PLEC: variants seen among roughly 807,000 people sequenced by gnomAD.
The protein encoded by PLEC is hemidesmosomal protein 1.
PLEC carries 216 observed loss-of-function variants against 392.8 expected under a neutral mutation model. The ratio of observed to expected loss-of-function variants is 0.55; its 90% CI spans 0.49 to 0.62. PLEC has a LOEUF of 0.62. Among genes scored for constraint, PLEC ranks in the 20% least tolerant of loss-of-function variants. The pLI, the probability that PLEC is intolerant of heterozygous loss-of-function variation, is 0.00. For synonymous variants in PLEC, 3,621 were observed against 2,980.6 expected, an observed-to-expected ratio of 1.21 and a Z score of -7.00; for missense variants, 6,863 against 6,563.4, an observed-to-expected ratio of 1.05 and a Z score of -1.58.
Position 143,923,845 on chromosome 8 carries a change from C to T in PLEC, c.6084G>A (p.Ala2028=), listed in dbSNP as rs528306324. 2.0e-4 allele frequency: 319 copies of T among 1,588,968 alleles called. No individual in the cohort carries two copies. Among genetic ancestry groups the T allele is most frequent in the East Asian group, 2.5e-4 (11 of 44,290 alleles). ...VEEARRLRER[A]EQESARQLQL... The stretch of plus-strand genomic sequence containing the variant: ...GCAGCTGCCGCGCCGACTCCTGCTC[C>T]GCTCGCTCCCGCAGGCGCCGCGCCT... Residue 2028 remains alanine, a synonymous_variant, in exon 31 of 32, where the codon GCG becomes GCA. Coordinates refer to ENST00000345136, the MANE Select transcript of PLEC (RefSeq NM_201384.3).
chr8:143,930,559 A>G (rs1554714245), intron 19 of PLEC, 23 bp from the exon 20 acceptor site: 1 of 1,570,150 alleles, frequency 6.4e-7, no homozygotes, highest in South Asian at 1.2e-5. Flanking sequence ...GGCAGCATCC[A>G]GACGAGGGCC....
intron 26 of PLEC, 25 bp from the exon 27 acceptor site, chr8:143,927,791 G>A (rs962768817): frequency 6.3e-7 from 1 of 1,591,044 alleles, no homozygotes; most frequent in Non-Finnish European, 8.6e-7. Context: ...AGGGACATGT[G>A]CGGCTTCAGC....
chr8:143,929,502 G>A lies in PLEC; in HGVS notation c.2993C>T (p.Ala998Val), dbSNP rs1554711100. ...GCGGTGCACGGTGCGCGTCTCACAG[G>A]CCTCCAGCTGCAGCCGGATGTCTTT... ...ELKDIRLQLE[A>V]CETRTVHRLR... The change falls in exon 24 of 32, where the codon GCC (alanine) becomes GTC (valine). Residue 998 changes from alanine (A) to valine (V), a missense_variant. Transcript: ENST00000345136. 6.2e-7 allele frequency: 1 copy of A among 1,611,912 alleles called. No homozygotes were observed. The highest frequency in any genetic ancestry group is 1.1e-5 in the South Asian group (1 of 91,024).
rs781881917 is a variant in PLEC, at chr8:143,936,033, A to G, written c.436-19T>C. Reference sequence around the variant, plus strand: ...CTGAGATCTGCTCACAGCAGAGAGGAGGCCACAGCTCAGCCACAGCCACCA... The same window carrying G: ...CTGAGATCTGCTCACAGCAGAGAGGGGGCCACAGCTCAGCCACAGCCACCA... On this transcript the variant is annotated intron_variant, in intron 5 of 31. Transcript: ENST00000345136. 3.7e-6 allele frequency: 6 copies of G among 1,609,780 alleles called. No individual in the cohort carries two copies. Among genetic ancestry groups the G allele is most frequent in the African/African-American group, 2.7e-5 (2 of 74,892 alleles).
At chr8:143,941,346 C>G (rs1422646650), upstream of PLEC, among the ~76,000 whole-genome samples, 1 of 152,122 alleles carries the variant, frequency 6.6e-6, no homozygotes, top group Admixed American at 6.5e-5. Flanking sequence ...GTGGAGCCCA[C>G]CCCAGCCAGG....
At position 143,973,410 on chromosome 8, in the gene PLEC, C is replaced by T; in HGVS notation, c.63G>A (p.Lys21=). 1 of 1,556,448 alleles carries T rather than the reference C, an allele frequency of 6.4e-7. No individual in the cohort carries two copies. The highest frequency in any genetic ancestry group is 8.7e-7 in the Non-Finnish European group (1 of 1,151,552). ...CGGGACGGGGGGCCGTACCTTTGTA[C>T]TTCTCGCGCACCTCCTCGTAGGCCT... The change falls in exon 1 of 32, where the codon AAG becomes AAA. Residue 21 remains lysine, a synonymous_variant. Transcript: ENST00000356346. This position sits in a 1 kb window ranked among gnomAD's most constrained non-coding sequence, Gnocchi z 5.6.
chr8:143,947,345 G>A (rs1405748525), intron 1 of PLEC, among the ~76,000 whole-genome samples: 1 of 152,240 alleles, frequency 6.6e-6, no homozygotes, highest in Non-Finnish European at 1.5e-5. Flanking sequence ...CACCGTGGTG[G>A]CGGCTACCTG....
intron 5 of PLEC, 93 bp from the exon 6 acceptor site, chr8:143,936,107 GC>G: frequency 7.0e-7 from 1 of 1,436,632 alleles, no homozygotes; most frequent in Non-Finnish European, 9.6e-7. Flanking sequence ...GGGTAGCTCA[GC>G]ACCCAGGGGG....
rs577933579 is a variant in PLEC, at chr8:143,916,858, G to T, written c.12963C>A (p.Ile4321=). Residue 4321 remains isoleucine, a synonymous_variant, in exon 32 of 32, where the codon ATC becomes ATA. Transcript: ENST00000345136. ...AGCGCTCACCGGTGCTGGGGTCGATGATGCCCCCGGTGCAGGCCTGCGCCT... is the reference window on the plus strand; with the variant it reads ...AGCGCTCACCGGTGCTGGGGTCGATTATGCCCCCGGTGCAGGCCTGCGCCT... ...LLEAQACTGG[I]IDPSTGERFP... 4.3e-6 allele frequency: 7 copies of T among 1,612,712 alleles called. No individual in the cohort carries two copies. The highest frequency in any genetic ancestry group is 5.9e-6 in the Non-Finnish European group (7 of 1,179,930).
upstream of PLEC, among the ~76,000 whole-genome samples, chr8:143,943,413 C>A (rs1285180735): frequency 3.9e-5 from 6 of 152,250 alleles, no homozygotes; most frequent in Non-Finnish European, 5.9e-5. Context: ...GCTCCACCCC[C>A]TGCTGTGTGT....
chr8:143,971,448 C>A (rs1564237448), intron 1 of PLEC, among the ~76,000 whole-genome samples: 1 of 152,168 alleles, frequency 6.6e-6, no homozygotes, highest in Non-Finnish European at 1.5e-5. Flanking sequence ...CATGCCCTCC[C>A]ACAGTCCCTC....
intron 1 of PLEC, among the ~76,000 whole-genome samples, chr8:143,972,363 G>T (rs1264083466): frequency 6.6e-6 from 1 of 152,222 alleles, no homozygotes; most frequent in African/African-American, 2.4e-5. Flanking sequence ...AAGCGGCTGG[G>T]CACAGCACTG....
upstream of PLEC, chr8:143,944,047 C>A: frequency 9.0e-7 from 1 of 1,114,094 alleles, no homozygotes; most frequent in Non-Finnish European, 1.3e-6. Flanking sequence ...GGCGGCAGCC[C>A]CACAACAGCT....
chr8:143,930,147 G>T lies in PLEC; in HGVS notation c.2609C>A (p.Thr870Asn). ...PPNQEAQEAVTRLEAQHQALV... is the reference protein window; with the variant it reads ...PPNQEAQEAVNRLEAQHQALV... ...CTGCTGAGCCCCCGCCACCCACCTG[G>T]TGACGGCCTCCTGGGCCTCCTGGTT... The change falls in exon 21 of 32, where the codon ACC (threonine) becomes AAC (asparagine). Residue 870 changes from threonine (T) to asparagine (N), a missense_variant. Coordinates refer to ENST00000345136, the MANE Select transcript of PLEC (RefSeq NM_201384.3). 1.3e-6 allele frequency: 2 copies of T among 1,584,744 alleles called. No individual in the cohort carries two copies. The highest frequency in any genetic ancestry group is 1.7e-6 in the Non-Finnish European group (2 of 1,171,400).
chr8:143,917,295 A>T lies in PLEC; in HGVS notation c.12526T>A (p.Cys4176Ser). ...GAGATGGTGATCTCCTCCCACTCGC[A>T]CTCCTGCTCGGACAGCTCCAGGTAC... Reference protein sequence around the residue: ...QTYLELSEQECEWEEITISSS... With the variant: ...QTYLELSEQESEWEEITISSS... Residue 4176 changes from cysteine (C) to serine (S), a missense_variant, in exon 32 of 32, where the codon TGC becomes AGC. Cys to Ser is a moderately radical substitution (Grantham distance 112). Coordinates refer to ENST00000345136, the MANE Select transcript of PLEC (RefSeq NM_201384.3). 2.5e-6 allele frequency: 4 copies of T among 1,608,072 alleles called. No individual in the cohort carries two copies. Among genetic ancestry groups the T allele is most frequent in the Non-Finnish European group, 3.4e-6 (4 of 1,178,068 alleles).
Position 143,922,848 on chromosome 8 carries a change from TCTC to T in PLEC, c.7078_7080del (p.Glu2360del), listed in dbSNP as rs782592923. On this transcript the variant is annotated inframe_deletion, in exon 31 of 32. Transcript: ENST00000345136. ...TCCAGCGTCCGCTGGAAGCCCTGCG[TCTC>T]CTCCGCCAGCTGCTGCGCCATCTGC... The T allele has an allele frequency of 4.4e-6, 7 of 1,579,724 alleles. No homozygotes were observed. In the Admixed American group the frequency reaches 1.1e-4, roughly 24 times the overall value.
chr8:143,957,068 G>A (rs887092914), upstream of PLEC, among the ~76,000 whole-genome samples: 2 of 152,126 alleles, frequency 1.3e-5, no homozygotes, highest in Admixed American at 6.5e-5. Context: ...GCAGCCGGGA[G>A]GGGGGCGCCT....
At position 143,934,663 on chromosome 8, in the gene PLEC, C is replaced by G. The variant is rs782499091; in HGVS notation, c.1013G>C (p.Arg338Thr). 6.2e-7 allele frequency: 1 copy of G among 1,613,254 alleles called. No homozygotes were observed. The highest frequency in any genetic ancestry group is 1.7e-5 in the Admixed American group (1 of 60,028). Residue 338 changes from arginine (R) to threonine (T), a missense_variant, in exon 10 of 32, where the codon AGG (arginine) becomes ACG (threonine). Coordinates refer to ENST00000345136, the MANE Select transcript of PLEC (RefSeq NM_201384.3). ...CAGGGATTGGTAGATGCCCTTGGAC[C>G]TGTTCTTGTCGGCCTCCTTGGCTGG... ...ELPAKEADKN[R>T]SKGIYQSLEG...
chr8:143,956,239 C>G (rs568627093), upstream of PLEC, among the ~76,000 whole-genome samples: 2 of 152,286 alleles, frequency 1.3e-5, no homozygotes, highest in South Asian at 4.1e-4. Context: ...TAAGCCACCA[C>G]GCCCGGCCAG....
Sources: gnomAD v4.1 joint callset for allele counts (sites outside exome capture counted in the v4.1 genomes callset) on GRCh38, gnomAD v4.1.1 for gene constraint, Gnocchi (gnomAD v3.1) non-coding constraint, MANE v1.5 for transcripts, NCBI Gene and HGNC (gene_info 2026-07-23, HGNC 2026-07-21) for gene names.